The following ZC3H12B variants were observed in gnomAD, a reference collection of about 807,000 sequenced individuals.
ZC3H12B encodes zinc finger CCCH-type containing 12B.
ZC3H12B carries 7 observed loss-of-function variants against 43.9 expected under a neutral mutation model. The ratio of observed to expected loss-of-function variants is 0.16; its 90% CI spans 0.09 to 0.30. The LOEUF (loss-of-function observed/expected upper bound fraction) is 0.30, where lower values mean the gene tolerates loss of function less well. ZC3H12B is among the 10% of genes least tolerant of loss of function. The pLI is 1.00. For missense variants in ZC3H12B, 475 were observed against 670.2 expected (o/e 0.71, Z 3.22); for synonymous variants, 222 against 241.7 (o/e 0.92, Z 0.76).
At chrX:65,299,317 C>A in the ZC3H12B span, among the ~76,000 whole-genome samples, 1 of 111,336 alleles carries the variant, frequency 9.0e-6, no homozygotes, top group Non-Finnish European at 1.9e-5. Context: ...AGGCCTACAC[C>A]ACAGAAAAAC....
chrX:65,211,476 T>C, the ZC3H12B span, among the ~76,000 whole-genome samples: 1 of 106,662 alleles, frequency 9.4e-6, no homozygotes, highest in African/African-American at 3.4e-5. Context: ...ATTATATTGT[T>C]TAATCTTCAC....
At chrX:65,337,539 G>T in the ZC3H12B span, among the ~76,000 whole-genome samples, 1 of 112,089 alleles carries the variant, frequency 8.9e-6, no homozygotes, top group African/African-American at 3.2e-5. Flanking sequence ...AATTGTTAGC[G>T]ATTTGAGGTG....
the ZC3H12B span, among the ~76,000 whole-genome samples, chrX:65,296,342 G>T: frequency 9.0e-6 from 1 of 110,751 alleles, no homozygotes; most frequent in Non-Finnish European, 1.9e-5. Context: ...TTGGAATTTG[G>T]GGACTCGGGG....
chrX:65,324,169 C>T, the ZC3H12B span, among the ~76,000 whole-genome samples: 8 of 112,089 alleles, frequency 7.1e-5, no homozygotes, highest in East Asian at 2.2e-3. Context: ...ATGATAGTTT[C>T]TTTTGCTGTG....
the ZC3H12B span, among the ~76,000 whole-genome samples, chrX:65,170,041 T>C: frequency 8.9e-6 from 1 of 111,881 alleles, no homozygotes. Flanking sequence ...ACATGTAAGG[T>C]TAATATTGTT....
intron 3 of ZC3H12B, among the ~76,000 whole-genome samples, chrX:65,432,987 T>C (rs2067181331): frequency 8.9e-6 from 1 of 112,286 alleles, no homozygotes; most frequent in Non-Finnish European, 1.9e-5. Flanking sequence ...GATATACCCC[T>C]GAAGTAGAAC....
At chrX:65,241,056 A>C in the ZC3H12B span, among the ~76,000 whole-genome samples, 1 of 112,048 alleles carries the variant, frequency 8.9e-6, no homozygotes, top group African/African-American at 3.2e-5. Flanking sequence ...TTAAGGAAGC[A>C]GACTGGCTGG....
chrX:65,350,292 C>G, the ZC3H12B span, among the ~76,000 whole-genome samples: 1 of 111,037 alleles, frequency 9.0e-6, no homozygotes, highest in African/African-American at 3.3e-5. Flanking sequence ...TTCAACACCC[C>G]CCATGGTAAA....
chrX:65,263,534 A>G, the ZC3H12B span, among the ~76,000 whole-genome samples: 1 of 111,402 alleles, frequency 9.0e-6, no homozygotes, highest in African/African-American at 3.3e-5. Context: ...TGGAACATTT[A>G]CTCTGTAAAG....
At chrX:65,206,362 A>C in the ZC3H12B span, among the ~76,000 whole-genome samples, 3 of 111,834 alleles carry the variant, frequency 2.7e-5, no homozygotes, top group Non-Finnish European at 5.6e-5. Flanking sequence ...AAAGCCAAAC[A>C]CTTACAGCCA....
the ZC3H12B span, among the ~76,000 whole-genome samples, chrX:65,259,772 A>G: frequency 6.3e-5 from 7 of 111,930 alleles, no homozygotes; most frequent in East Asian, 2.0e-3. Flanking sequence ...GCTTGCACAC[A>G]CGTGTTTATA....
chrX:65,447,647 C>T (rs1221502183), intron 3 of ZC3H12B, among the ~76,000 whole-genome samples: 1 of 111,748 alleles, frequency 8.9e-6, no homozygotes, highest in Non-Finnish European at 1.9e-5. Flanking sequence ...TCAGAGTAAA[C>T]AAACAACTCA....
the ZC3H12B span, among the ~76,000 whole-genome samples, chrX:65,188,254 G>C: frequency 3.1e-4 from 35 of 111,201 alleles, no homozygotes; most frequent in Admixed American, 4.8e-4. Context: ...ATTGTGAATA[G>C]TGTTGCAATA....
At chrX:65,318,657 T>C in the ZC3H12B span, among the ~76,000 whole-genome samples, 36 of 111,280 alleles carry the variant, frequency 3.2e-4, no homozygotes, top group Non-Finnish European at 6.4e-4. Context: ...TGACCTAAGG[T>C]GATCCACCCA....
At chrX:65,078,227 A>T in the ZC3H12B span, among the ~76,000 whole-genome samples, 4 of 112,390 alleles carry the variant, frequency 3.6e-5, no homozygotes, top group Non-Finnish European at 7.5e-5. Context: ...TCTATTACAC[A>T]GTTGGATTTA....
the ZC3H12B span, among the ~76,000 whole-genome samples, chrX:65,290,128 A>G: frequency 9.0e-6 from 1 of 111,178 alleles, no homozygotes; most frequent in Non-Finnish European, 1.9e-5. Context: ...ACTCAAACAA[A>G]TCAACAGGAA....
the ZC3H12B span, among the ~76,000 whole-genome samples, chrX:65,324,119 A>G: frequency 2.7e-5 from 3 of 112,243 alleles, no homozygotes; most frequent in Non-Finnish European, 5.6e-5. Flanking sequence ...GATAGATTGC[A>G]AAAATATTCT....
At chrX:65,132,951 A>T in the ZC3H12B span, among the ~76,000 whole-genome samples, 1 of 111,693 alleles carries the variant, frequency 9.0e-6, no homozygotes, top group East Asian at 2.8e-4. Context: ...GCCTTGGGCC[A>T]GAGTTCCAGG....
the ZC3H12B span, among the ~76,000 whole-genome samples, chrX:65,283,162 G>A: frequency 9.0e-6 from 1 of 110,791 alleles, no homozygotes; most frequent in Non-Finnish European, 1.9e-5. Context: ...TGCGAGGCTG[G>A]TTCAACATAT....
Sources: allele counts gnomAD v4.1 joint callset (sites outside exome capture counted in the v4.1 genomes callset), GRCh38; gene constraint gnomAD v4.1.1; transcripts MANE v1.5; gene names NCBI Gene and HGNC (gene_info 2026-07-23, HGNC 2026-07-21).